The following NAV3 variants were observed in gnomAD, a reference collection of about 807,000 sequenced individuals.
The protein encoded by NAV3 is neuron navigator 3, also known as pore membrane and/or filament interacting like protein 1.
A neutral mutation model predicts 244.7 loss-of-function variants in NAV3; 87 were observed. That is an observed-to-expected ratio of 0.36 (90% CI 0.30 to 0.42). NAV3 has a LOEUF of 0.42. Among genes scored for constraint, NAV3 ranks in the 20% least tolerant of loss-of-function variants. The probability of loss-of-function intolerance (pLI) is 1.00; values close to 1 mark genes in which losing one functional copy is unlikely to be tolerated. For synonymous variants in NAV3, 1,126 were observed against 1,042.2 expected, an observed-to-expected ratio of 1.08 and a Z score of -1.55; for missense variants, 2,663 against 2,893.3, an observed-to-expected ratio of 0.92 and a Z score of 1.83.
intron 2 of NAV3, among the ~76,000 whole-genome samples, chr12:77,743,182 A>C (rs1868373045): frequency 6.6e-6 from 1 of 151,940 alleles, no homozygotes. Context: ...GTGATTTATA[A>C]TATTTTCTTT....
At chr12:77,982,160 T>C (rs2136274495) in intron 5 of NAV3, among the ~76,000 whole-genome samples, 2 of 152,336 alleles carry the variant, frequency 1.3e-5, no homozygotes, top group Non-Finnish European at 2.9e-5. Flanking sequence ...TTGATTTTTA[T>C]GTTTTGATGA....
At chr12:77,895,947 A>C (rs1884567621) in intron 1 of NAV3, among the ~76,000 whole-genome samples, 1 of 108,260 alleles carries the variant, frequency 9.2e-6, no homozygotes, top group African/African-American at 3.9e-5. Flanking sequence ...TTTGATCTCA[A>C]TTTCCAGTAA....
At chr12:78,004,199 A>G (rs1053528716) in intron 7 of NAV3, among the ~76,000 whole-genome samples, 1 of 152,234 alleles carries the variant, frequency 6.6e-6, no homozygotes, top group Admixed American at 6.5e-5. Flanking sequence ...AAGAGAGATC[A>G]TAAGCATATT....
chr12:77,948,680 G>T (rs1593084878), intron 3 of NAV3, among the ~76,000 whole-genome samples: 3 of 131,282 alleles, frequency 2.3e-5, no homozygotes, highest in African/African-American at 5.7e-5. Context: ...TTTTTCAATT[G>T]CCCCCCCACC....
intron 2 of NAV3, among the ~76,000 whole-genome samples, chr12:77,583,337 T>C (rs1269304344): frequency 6.6e-6 from 1 of 152,230 alleles, no homozygotes; most frequent in Admixed American, 6.5e-5. Flanking sequence ...AAGGCCTCCA[T>C]CTTTTAACAG....
At chr12:77,856,341 A>C (rs967262867) in intron 1 of NAV3, among the ~76,000 whole-genome samples, 24 of 152,192 alleles carry the variant, frequency 1.6e-4, no homozygotes, top group Non-Finnish European at 7.3e-5. Context: ...GACAAGGTGA[A>C]AATTAGGAGG....
chr12:78,153,024 A>G (rs1268357786), intron 22 of NAV3, among the ~76,000 whole-genome samples: 2 of 152,008 alleles, frequency 1.3e-5, no homozygotes, highest in Non-Finnish European at 2.9e-5. Context: ...TTTACTCAGT[A>G]TGTGACATGT....
intron 2 of NAV3, among the ~76,000 whole-genome samples, chr12:77,703,614 T>C (rs1367689634): frequency 1.3e-5 from 2 of 152,132 alleles, no homozygotes; most frequent in Non-Finnish European, 2.9e-5. Context: ...TACAAAATAG[T>C]TATAACATTT....
intron 2 of NAV3, among the ~76,000 whole-genome samples, chr12:77,761,580 GA>G (rs1423053061): frequency 6.6e-6 from 1 of 151,730 alleles, no homozygotes; most frequent in African/African-American, 2.4e-5. Flanking sequence ...AAATTTACAA[GA>G]AAAAAACAAA....
chr12:77,965,032 T>C (rs1445378143), intron 3 of NAV3, among the ~76,000 whole-genome samples: 1 of 152,182 alleles, frequency 6.6e-6, no homozygotes, highest in African/African-American at 2.4e-5. Context: ...TTGGCAGAAC[T>C]CTGTGTGTCC....
At chr12:78,114,944 A>C (rs1306036921) in intron 12 of NAV3, among the ~76,000 whole-genome samples, 1 of 152,176 alleles carries the variant, frequency 6.6e-6, no homozygotes, top group East Asian at 1.9e-4. Context: ...CTAGAGAGGA[A>C]TCAGCCTTAA....
chr12:77,865,717 T>C (rs912701694), intron 1 of NAV3, among the ~76,000 whole-genome samples: 6 of 151,912 alleles, frequency 3.9e-5, no homozygotes, highest in Non-Finnish European at 8.8e-5. Context: ...ATAAAACAAT[T>C]CGTTGCTTCT....
intron 2 of NAV3, among the ~76,000 whole-genome samples, chr12:77,671,952 A>C (rs965973792): frequency 2.5e-4 from 38 of 152,326 alleles, no homozygotes; most frequent in African/African-American, 8.2e-4. Context: ...ATAAACAATC[A>C]GTAGAGTTAA....
chr12:77,967,278 G>A (rs1397376168), intron 4 of NAV3, among the ~76,000 whole-genome samples: 2 of 151,862 alleles, frequency 1.3e-5, no homozygotes, highest in Non-Finnish European at 2.9e-5. Context: ...CTCTAAATTA[G>A]TTAAACATGC....
intron 2 of NAV3, among the ~76,000 whole-genome samples, chr12:77,618,680 A>C (rs1871238763): frequency 6.6e-6 from 1 of 152,226 alleles, no homozygotes; most frequent in Non-Finnish European, 1.5e-5. Flanking sequence ...ACTTTAATAA[A>C]AATGGTAGTA....
intron 30 of NAV3, among the ~76,000 whole-genome samples, chr12:78,181,771 T>C (rs948440319): frequency 2.6e-5 from 4 of 152,018 alleles, no homozygotes; most frequent in African/African-American, 9.7e-5. Flanking sequence ...CAATAATATG[T>C]ATGTTCCTAG....
intron 2 of NAV3, among the ~76,000 whole-genome samples, chr12:77,804,031 C>A (rs1280361019): frequency 6.6e-6 from 1 of 152,040 alleles, no homozygotes; most frequent in Non-Finnish European, 1.5e-5. Context: ...GATATTAGCC[C>A]TTTGTCAGAT....
At chr12:77,975,170 A>G (rs1266159229) in intron 5 of NAV3, among the ~76,000 whole-genome samples, 4 of 152,140 alleles carry the variant, frequency 2.6e-5, no homozygotes, top group African/African-American at 9.7e-5. Flanking sequence ...ACTTCCATAT[A>G]GCTAAATAGA....
intron 22 of NAV3, among the ~76,000 whole-genome samples, chr12:78,151,546 G>C (rs57523670): frequency 6.6e-6 from 1 of 151,958 alleles, no homozygotes; most frequent in African/African-American, 2.4e-5. Flanking sequence ...GTCAAATTTT[G>C]TATAATTCCA....
Sources: gnomAD v4.1 joint callset for allele counts (sites outside exome capture counted in the v4.1 genomes callset) on GRCh38, gnomAD v4.1.1 for gene constraint, MANE v1.5 for transcripts, NCBI Gene and HGNC (gene_info 2026-07-23, HGNC 2026-07-21) for gene names.